Variants in HYDIN observed in about 807,000 individuals in gnomAD.
The protein encoded by HYDIN is axonemal central pair apparatus protein HYDIN.
In HYDIN, 132 loss-of-function variants were observed where a neutral mutation model predicts 403.9. That is an observed-to-expected ratio of 0.33 (90% CI 0.28 to 0.38). The LOEUF (loss-of-function observed/expected upper bound fraction) is 0.38, where lower values mean the gene tolerates loss of function less well. HYDIN is among the 10% of genes least tolerant of loss of function. HYDIN has a pLI of 1.00. For missense variants in HYDIN, 2,827 were observed against 5,009.5 expected (o/e 0.56, Z 13.15); for synonymous variants, 1,202 against 1,891.7 (o/e 0.64, Z 9.46).
rs1009418147 is a variant in HYDIN at position 70,894,214 on chromosome 16, C to T, written c.9248+235G>A. On this transcript the variant is annotated intron_variant, in intron 55 of 85. Transcript: ENST00000393567. ...GTTGAGAGCAGTGTGAGAATCTCTG[C>T]TCCCTTAGCAGGTGGAATTCCATTC... 2.3e-5 allele frequency: 15 copies of T among 643,452 alleles called. No individual in the cohort carries two copies. The Admixed American group carries it at 4.5e-4, about 19-fold the overall frequency. The allele number at this position is 643,452 out of a possible 1,614,324, so 39.9% of individuals were successfully genotyped here.
Position 71,039,459 on chromosome 16 carries a change from C to A in HYDIN, c.2530-7542G>T, listed in dbSNP as rs554069052. Among the ~76,000 whole-genome samples, 6 of 152,264 alleles carry A rather than the reference C, an allele frequency of 3.9e-5. 1 individual carries two copies. The South Asian group carries it at 1.2e-3, about 32-fold the overall frequency. On this transcript the variant is annotated intron_variant, in intron 18 of 85. Coordinates refer to ENST00000393567, the MANE Select transcript of HYDIN (RefSeq NM_001270974.2). ...TACCTTTAAGCTGAAAAGCCGGAAC[C>A]TGTGGCCCAAAGTGAGAACTTATAT...
chr16:71,226,979 G>C (rs1598078953), intron 1 of HYDIN, among the ~76,000 whole-genome samples: 1 of 152,108 alleles, frequency 6.6e-6, no homozygotes, highest in South Asian at 2.1e-4. Context: ...AGTACTCTTT[G>C]TTCCAGTGAT....
At chr16:70,871,470 T>A (rs2040095164) in intron 65 of HYDIN, among the ~76,000 whole-genome samples, 1 of 151,972 alleles carries the variant, frequency 6.6e-6, no homozygotes, top group Non-Finnish European at 1.5e-5. Context: ...CTAGGCCTTG[T>A]TCAATGTCAA....
chr16:71,184,962 A>G lies in HYDIN; in HGVS notation c.164T>C (p.Met55Thr). 6.2e-7 allele frequency: 1 copy of G among 1,609,632 alleles called. No homozygotes were observed. The change falls in exon 3 of 86, where the codon ATG (methionine) becomes ACG (threonine). Residue 55 changes from methionine to threonine, a missense_variant. Transcript: ENST00000393567. The stretch of plus-strand genomic sequence containing the variant: ...CAGTCTCTGCTCGGTGGTCAGGGAC[A>G]TTTCCTTCAGGAACTCTGAGGGTGT... ...MLTPSEFLKE[M>T]SLTTEQRLAK...
At chr16:70,905,632 TAA>T (rs10718035) in intron 50 of HYDIN, among the ~76,000 whole-genome samples, 48,955 of 98,936 alleles carry the variant, frequency 0.49, 12,334 homozygotes, top group Non-Finnish European at 0.59. Flanking sequence ...GACCCTATCT[TAA>T]AAAAAAAAAA....
chr16:70,959,061 T>TC (rs201414404), intron 39 of HYDIN, among the ~76,000 whole-genome samples: 1,683 of 152,196 alleles, frequency 0.011, 13 homozygotes, highest in Non-Finnish European at 0.017. Context: ...ATTTTTTTTT[T>TC]CCCAATGTAG....
chr16:70,807,264 T>C lies in HYDIN; in HGVS notation c.*316A>G, dbSNP rs1348580782. On this transcript the variant is annotated 3_prime_UTR_variant, in exon 86 of 86. Transcript: ENST00000393567. ...GTAGAGTAGAAGGTCACTAGTGTGA[T>C]ACCTGTGCCTTCTTGATAAAAATGG... is the stretch of plus-strand genomic sequence containing the variant. The C allele has an allele frequency of 6.7e-6, 2 of 300,208 alleles. No homozygotes were observed. The highest frequency in any genetic ancestry group is 4.3e-5 in the African/African-American group (2 of 46,478). 18.6% of individuals were successfully genotyped at this position (300,208 alleles called of 1,614,324 possible).
chr16:71,106,426 T>C (rs1211524823), intron 10 of HYDIN, among the ~76,000 whole-genome samples: 4 of 152,174 alleles, frequency 2.6e-5, no homozygotes, highest in Non-Finnish European at 4.4e-5. Flanking sequence ...GCTTCTATAA[T>C]AATAATCAAC....
At chr16:70,908,042 T>G (rs1791218418) in intron 49 of HYDIN, among the ~76,000 whole-genome samples, 1 of 152,152 alleles carries the variant, frequency 6.6e-6, no homozygotes, top group Non-Finnish European at 1.5e-5. Context: ...CCTATGATCA[T>G]TCTCTTTATT....
chr16:70,919,849 CA>C (rs71153608), intron 46 of HYDIN, among the ~76,000 whole-genome samples: 17,928 of 35,722 alleles, frequency 0.5, 3,714 homozygotes, highest in Middle Eastern at 0.57. Context: ...GACTCCATCT[CA>C]AAAAAAAAAA....
chr16:71,229,158 G>T (rs1437850894), intron 1 of HYDIN, among the ~76,000 whole-genome samples: 1 of 129,140 alleles, frequency 7.7e-6, no homozygotes, highest in Non-Finnish European at 1.6e-5. Flanking sequence ...GCCTGTTGTG[G>T]GGTGGGGGGA....
intron 17 of HYDIN, among the ~76,000 whole-genome samples, chr16:71,061,900 G>GTGTC (rs1301801629): frequency 6.8e-6 from 1 of 147,970 alleles, no homozygotes; most frequent in South Asian, 2.1e-4. Flanking sequence ...GTGTGTCAGA[G>GTGTC]AGAGAGAGAG....
intron 58 of HYDIN, among the ~76,000 whole-genome samples, chr16:70,885,667 C>T (rs1275507339): frequency 6.6e-6 from 1 of 151,266 alleles, no homozygotes; most frequent in Non-Finnish European, 1.5e-5. Context: ...AGGATAAGTT[C>T]ATTGCAACTG....
intron 18 of HYDIN, among the ~76,000 whole-genome samples, chr16:71,033,409 C>T (rs1232537871): frequency 2.0e-5 from 3 of 152,058 alleles, no homozygotes; most frequent in Non-Finnish European, 4.4e-5. Context: ...CCTATATAAA[C>T]AATTATCTCA....
chr16:70,882,811 A>G lies in HYDIN; in HGVS notation c.10064T>C (p.Ile3355Thr), dbSNP rs757791249. The G allele has an allele frequency of 4.0e-6, 6 of 1,511,456 alleles. No individual in the cohort carries two copies. In the Admixed American group the frequency reaches 1.0e-4, roughly 25 times the overall value. 93.6% of individuals were successfully genotyped at this position (1,511,456 alleles called of 1,614,324 possible). A position where few individuals can be genotyped will look rare whatever the true frequency, so the allele number is the denominator to read the frequency against. Reference sequence around the variant, plus strand: ...CTCGACGAACAGCCCCCCGCTCTCTATGGTCTGCAGGATGTGGTGCAGGTT... The same window carrying G: ...CTCGACGAACAGCCCCCCGCTCTCTGTGGTCTGCAGGATGTGGTGCAGGTT... The part of the protein sequence containing the change: ...SANLHHILQT[I>T]ESGGLFVEDE... Residue 3355 changes from isoleucine (I) to threonine (T), a missense_variant, in exon 60 of 86, where the codon ATA (isoleucine) becomes ACA (threonine). Transcript: ENST00000393567.
chr16:71,034,501 C>T (rs2144170257), intron 18 of HYDIN, among the ~76,000 whole-genome samples: 1 of 151,778 alleles, frequency 6.6e-6, no homozygotes, highest in Middle Eastern at 3.4e-3. Context: ...AAAATAGATT[C>T]AGTCAGTGGG....
intron 41 of HYDIN, among the ~76,000 whole-genome samples, chr16:70,946,244 G>A (rs1354071410): frequency 3.5e-5 from 5 of 142,462 alleles, no homozygotes; most frequent in Admixed American, 7.2e-5. Context: ...CTTGGTGGCC[G>A]GAAGATGAGG....
At position 71,215,524 on chromosome 16, in the gene HYDIN, A is replaced by T. The variant is rs867174568; in HGVS notation, c.-24+15038T>A. On this transcript the variant is annotated intron_variant, in intron 1 of 85. Coordinates refer to ENST00000393567, the MANE Select transcript of HYDIN (RefSeq NM_001270974.2). The stretch of plus-strand genomic sequence containing the variant: ...TTGATGGGGAACATTATAATCAATC[A>T]ATCTGGCTGATAACACGTAAATCCT... Among the ~76,000 whole-genome samples the T allele has an allele frequency of 7.9e-5, 12 of 152,140 alleles. No homozygotes were observed. The South Asian group carries it at 2.3e-3, about 29-fold the overall frequency.
chr16:70,922,036 A>G (rs1487992540), intron 45 of HYDIN, among the ~76,000 whole-genome samples: 1 of 152,166 alleles, frequency 6.6e-6, no homozygotes, highest in East Asian at 1.9e-4. Context: ...AGTGACTGCT[A>G]TCTGCAGTGC....
Sources: allele counts gnomAD v4.1 joint callset (sites outside exome capture counted in the v4.1 genomes callset), GRCh38; gene constraint gnomAD v4.1.1; transcripts MANE v1.5; gene names NCBI Gene and HGNC (gene_info 2026-07-23, HGNC 2026-07-21).